Variants in ZMYND11 observed in about 807,000 individuals in gnomAD.
ZMYND11 encodes zinc finger MYND domain-containing protein 11.
A neutral mutation model predicts 84.9 loss-of-function variants in ZMYND11; 9 were observed. The ratio of observed to expected loss-of-function variants is 0.11; its 90% CI spans 0.06 to 0.18. ZMYND11 has a LOEUF of 0.18. Ranked by LOEUF, ZMYND11 falls within the 10% of genes least tolerant of loss-of-function variation. ZMYND11 has a pLI of 1.00. For missense variants in ZMYND11, 409 were observed against 761.0 expected (o/e 0.54, Z 5.44); for synonymous variants, 250 against 244.1 (o/e 1.02, Z -0.23).
At chr10:205,134 G>A (rs755668699) in intron 2 of ZMYND11, among the ~76,000 whole-genome samples, 1 of 152,032 alleles carries the variant, frequency 6.6e-6, no homozygotes, top group Non-Finnish European at 1.5e-5. Context: ...GAAGCTCTTC[G>A]CAAACTTCTT....
At chr10:143,439 G>T (rs1170826319) in intron 1 of ZMYND11, among the ~76,000 whole-genome samples, 3 of 152,056 alleles carry the variant, frequency 2.0e-5, no homozygotes, top group Non-Finnish European at 4.4e-5. Flanking sequence ...TAGAGAGCAG[G>T]TCCTTAATTT....
intron 12 of ZMYND11, among the ~76,000 whole-genome samples, chr10:247,667 G>A (rs988494321): frequency 3.3e-5 from 5 of 152,124 alleles, no homozygotes; most frequent in Admixed American, 2.6e-4. Flanking sequence ...CTGGAATAGC[G>A]TACATGCTCC....
chr10:243,286 C>A (rs1192257846), intron 10 of ZMYND11, among the ~76,000 whole-genome samples: 1 of 152,086 alleles, frequency 6.6e-6, no homozygotes, highest in Admixed American at 6.5e-5. Context: ...TAAATGTCAG[C>A]TTTTATAATA....
At chr10:144,657 T>C (rs1443168034) in intron 1 of ZMYND11, among the ~76,000 whole-genome samples, 1 of 148,040 alleles carries the variant, frequency 6.8e-6, no homozygotes, top group Non-Finnish European at 1.5e-5. Flanking sequence ...TTTTTTTTTT[T>C]TTTTTTAACA....
intron 14 of ZMYND11, among the ~76,000 whole-genome samples, chr10:250,742 A>C (rs1488573621): frequency 6.6e-6 from 1 of 152,152 alleles, no homozygotes; most frequent in African/African-American, 2.4e-5. Context: ...AAAGGGTTAG[A>C]ATTCTTTCTT....
intron 1 of ZMYND11, among the ~76,000 whole-genome samples, chr10:149,225 G>T (rs1481070359): frequency 2.6e-5 from 4 of 151,608 alleles, no homozygotes; most frequent in African/African-American, 9.7e-5. Flanking sequence ...CACTCCCTTT[G>T]GATCTCCATC....
intron 14 of ZMYND11, among the ~76,000 whole-genome samples, chr10:250,897 C>T (rs1036639835): frequency 2.6e-5 from 4 of 152,006 alleles, no homozygotes; most frequent in African/African-American, 7.3e-5. Flanking sequence ...GTGGTGTGTG[C>T]CTGAAACCCC....
chr10:215,062 C>T (rs574189731), intron 3 of ZMYND11, among the ~76,000 whole-genome samples: 108 of 152,258 alleles, frequency 7.1e-4, no homozygotes, highest in African/African-American at 1.4e-3. Flanking sequence ...GCAATTGAGG[C>T]GGTTAGTGTT....
At chr10:231,804 A>G (rs374875086) in intron 4 of ZMYND11, among the ~76,000 whole-genome samples, 2 of 152,208 alleles carry the variant, frequency 1.3e-5, no homozygotes, top group East Asian at 1.9e-4. Flanking sequence ...CAGCCCCAAC[A>G]TCTGCTTTAG....
At chr10:209,797 A>T (rs1036979862) in intron 2 of ZMYND11, 92 bp from the exon 3 acceptor site, 23 of 1,265,040 alleles carry the variant, frequency 1.8e-5, no homozygotes, top group Admixed American at 4.2e-5. Flanking sequence ...TACAAGTCAT[A>T]ATGAAAGAAA....
intron 1 of ZMYND11, among the ~76,000 whole-genome samples, chr10:167,768 A>T (rs1275346643): frequency 6.6e-6 from 1 of 152,126 alleles, no homozygotes; most frequent in East Asian, 1.9e-4. Flanking sequence ...ACCATTTATT[A>T]TTATAGACTA....
At position 240,982 on chromosome 10, in the gene ZMYND11, T is replaced by C. The variant is rs1376397468; in HGVS notation, c.831+12T>C. On this transcript the variant is annotated intron_variant, in intron 9 of 14. Transcript: ENST00000381604. ...TCTGTTATCCTTGTGTATGTGAAAT[T>C]TTTACCTCAAGTGTGTAACATACAG... The C allele has an allele frequency of 6.2e-7, 1 of 1,608,222 alleles. No homozygotes were observed. Among genetic ancestry groups the C allele is most frequent in the Non-Finnish European group, 8.5e-7 (1 of 1,175,474 alleles).
At position 236,104 on chromosome 10, in the gene ZMYND11, T is replaced by TATGAACTGATG. The variant is rs538882007; in HGVS notation, c.439-730_439-720dup. ...CCACACCCACTCATTTCCTCTGCAG[T>TATGAACTGATG]ATGAACTGATGATGTTCGCGTGCCT... On this transcript the variant is annotated intron_variant, in intron 4 of 14. Transcript: ENST00000381604. Among the ~76,000 whole-genome samples, 6 of 152,334 alleles carry TATGAACTGATG rather than the reference T, an allele frequency of 3.9e-5. No homozygotes were observed. The South Asian group carries it at 8.3e-4, about 21-fold the overall frequency.
intron 6 of ZMYND11, among the ~76,000 whole-genome samples, chr10:238,443 G>C (rs568777000): frequency 6.6e-6 from 1 of 151,674 alleles, no homozygotes; most frequent in African/African-American, 2.4e-5. Context: ...TGCAAGCTCT[G>C]CCTCCCGGGT....
chr10:198,165 A>G (rs918019172), intron 2 of ZMYND11, among the ~76,000 whole-genome samples: 1 of 152,190 alleles, frequency 6.6e-6, no homozygotes, highest in African/African-American at 2.4e-5. Context: ...CAAAGTTAAT[A>G]AAATAAGTAG....
At chr10:249,264 C>T in intron 14 of ZMYND11, 176 bp downstream of exon 14, 2 of 1,443,206 alleles carry the variant, frequency 1.4e-6, no homozygotes, top group South Asian at 1.5e-5. Flanking sequence ...TCTCTCAACC[C>T]CAGATCCCAT....
chr10:242,814 C>G (rs890656031), intron 10 of ZMYND11, among the ~76,000 whole-genome samples: 14 of 152,116 alleles, frequency 9.2e-5, no homozygotes, highest in African/African-American at 3.1e-4. Context: ...TTTACTTAGT[C>G]TTCATTAATT....
intron 4 of ZMYND11, among the ~76,000 whole-genome samples, chr10:230,097 T>C (rs1948740942): frequency 6.6e-6 from 1 of 152,178 alleles, no homozygotes; most frequent in Admixed American, 6.5e-5. Context: ...TAAAACGATA[T>C]AAGTAATTTA....
rs1247312343 is a variant in ZMYND11 at position 252,451 on chromosome 10, C to T, written c.1790C>T (p.Thr597Ile). ...QEHWHAEHKR[T>I]CRRKR Reference sequence around the variant, plus strand: ...CACTGGCACGCGGAGCACAAGCGCACCTGCCGCCGGAAAAGATGAAGCTGG... The same window carrying T: ...CACTGGCACGCGGAGCACAAGCGCATCTGCCGCCGGAAAAGATGAAGCTGG... The change falls in exon 15 of 15, where the codon ACC becomes ATC. Residue 597 changes from threonine (T) to isoleucine (I), a missense_variant. Around this residue, in one of 7 missense-constraint regions of ZMYND11, gnomAD observed 16 missense variants for 57.7 expected, o/e 0.28. Transcript: ENST00000381604. This position sits in a 1 kb window ranked among gnomAD's most constrained non-coding sequence, Gnocchi z 4.6. 6 of 1,612,426 alleles carry T rather than the reference C, an allele frequency of 3.7e-6. No individual in the cohort carries two copies. The highest frequency in any genetic ancestry group is 4.2e-6 in the Non-Finnish European group (5 of 1,179,936).
Sources: allele counts gnomAD v4.1 joint callset (sites outside exome capture counted in the v4.1 genomes callset), GRCh38; gene constraint gnomAD v4.1.1; regional missense constraint gnomAD v4.1.1; non-coding constraint Gnocchi (gnomAD v3.1); transcripts MANE v1.5; gene names NCBI Gene and HGNC (gene_info 2026-07-23, HGNC 2026-07-21).